Variants in LTBP1 observed in about 807,000 individuals in gnomAD.
LTBP1 encodes the protein latent transforming growth factor beta binding protein 1, also known as latent-transforming growth factor beta-binding protein 1.
LTBP1 carries 129 observed loss-of-function variants against 207.6 expected under a neutral mutation model. The observed-to-expected ratio is 0.62, with a 90% CI of 0.54 to 0.72. The LOEUF (loss-of-function observed/expected upper bound fraction) is 0.72, where lower values mean the gene tolerates loss of function less well. Ranked by LOEUF, LTBP1 falls within the 30% of genes least tolerant of loss-of-function variation. The pLI, the probability that LTBP1 is intolerant of heterozygous loss-of-function variation, is 0.00. For missense variants in LTBP1, 2,281 were observed against 2,217.2 expected (o/e 1.03, Z -0.58); for synonymous variants, 963 against 833.7 (o/e 1.16, Z -2.67).
intron 19 of LTBP1, among the ~76,000 whole-genome samples, chr2:33,289,694 T>C (rs922561002): frequency 2.0e-5 from 3 of 152,334 alleles, no homozygotes; most frequent in Middle Eastern, 3.4e-3. Context: ...CAACACTGTT[T>C]TTTATTATAT....
At chr2:32,999,497 A>G (rs1369942461) in intron 2 of LTBP1, among the ~76,000 whole-genome samples, 1 of 92,552 alleles carries the variant, frequency 1.1e-5, no homozygotes, top group African/African-American at 3.4e-5. Context: ...AGGACTCCCA[A>G]CACTGCTTTC....
rs1357942590 is a variant in LTBP1, at chr2:33,021,097, A to G, written c.754A>G (p.Thr252Ala). 9 of 1,614,100 alleles carry G rather than the reference A, an allele frequency of 5.6e-6. No individual in the cohort carries two copies. The Admixed American group carries it at 1.5e-4, about 27-fold the overall frequency. ...CCCTCCTGAGCAAGCAGCAAAGCATACTTCATCTAAGAAGGCAGACACTCT... is the reference window on the plus strand; with the variant it reads ...CCCTCCTGAGCAAGCAGCAAAGCATGCTTCATCTAAGAAGGCAGACACTCT... ...WGPPEQAAKH[T>A]SSKKADTLPR... Residue 252 changes from threonine to alanine, a missense_variant, in exon 3 of 34, where the codon ACT (threonine) becomes GCT (alanine). Thr to Ala is a moderately conservative substitution (Grantham distance 58). Transcript: ENST00000404816.
chr2:33,145,980 C>T (rs1435576863), intron 5 of LTBP1, among the ~76,000 whole-genome samples: 1 of 152,084 alleles, frequency 6.6e-6, no homozygotes, highest in Non-Finnish European at 1.5e-5. Context: ...ATATTTTGGA[C>T]CATTTTGTGC....
At chr2:33,106,726 C>T (rs2150208906) in intron 3 of LTBP1, among the ~76,000 whole-genome samples, 1 of 152,014 alleles carries the variant, frequency 6.6e-6, no homozygotes, top group Middle Eastern at 3.4e-3. Context: ...AGAGCACAGG[C>T]AGAGTAGATT....
At chr2:33,287,124 T>A (rs1040982454) in intron 19 of LTBP1, among the ~76,000 whole-genome samples, 2 of 151,598 alleles carry the variant, frequency 1.3e-5, no homozygotes, top group Non-Finnish European at 3.0e-5. Flanking sequence ...CAACAACAAC[T>A]TTTGAAAGCA....
intron 31 of LTBP1, among the ~76,000 whole-genome samples, 167 bp downstream of exon 31, chr2:33,365,670 A>G (rs1461671133): frequency 1.3e-5 from 2 of 151,258 alleles, no homozygotes; most frequent in African/African-American, 2.4e-5. Flanking sequence ...CTGCATAAAC[A>G]TTTGGCTCCT....
chr2:33,216,364 A>G (rs149146686), intron 7 of LTBP1, among the ~76,000 whole-genome samples: 4 of 152,288 alleles, frequency 2.6e-5, no homozygotes, highest in African/African-American at 9.6e-5. Context: ...TTCCAGCCAG[A>G]CATGCTCCTT....
chr2:33,005,437 C>A (rs1431489162), intron 2 of LTBP1, among the ~76,000 whole-genome samples: 1 of 152,074 alleles, frequency 6.6e-6, no homozygotes, highest in Non-Finnish European at 1.5e-5. Context: ...TGGGCTTCTC[C>A]ATTACATGAT....
intron 31 of LTBP1, among the ~76,000 whole-genome samples, chr2:33,365,752 T>C (rs1328543382): frequency 6.6e-6 from 1 of 151,546 alleles, no homozygotes; most frequent in Non-Finnish European, 1.5e-5. Context: ...GAATGATAAA[T>C]GACCCAAAAA....
At chr2:33,011,066 C>G (rs1035867253) in intron 2 of LTBP1, among the ~76,000 whole-genome samples, 2 of 152,056 alleles carry the variant, frequency 1.3e-5, no homozygotes, top group African/African-American at 4.8e-5. Context: ...TAACTTTTAC[C>G]ACTATATTGG....
chr2:32,952,026 A>G (rs1677191824), intron 2 of LTBP1, among the ~76,000 whole-genome samples: 1 of 152,234 alleles, frequency 6.6e-6, no homozygotes, highest in Non-Finnish European at 1.5e-5. Context: ...TGTTGAAGAT[A>G]ATGAAGAATT....
intron 9 of LTBP1, among the ~76,000 whole-genome samples, chr2:33,229,144 T>G (rs2091640853): frequency 6.6e-6 from 1 of 152,116 alleles, no homozygotes; most frequent in African/African-American, 2.4e-5. Context: ...GTCAAAGCAA[T>G]TAATATTAAT....
Position 33,277,759 on chromosome 2 carries a change from C to CCCTTTCTT in LTBP1, c.2992+1837_2992+1844dup, listed in dbSNP as rs1553479715. Among the ~76,000 whole-genome samples, 18 of 72,504 alleles carry CCCTTTCTT rather than the reference C, an allele frequency of 2.5e-4. 1 individual carries two copies. Among genetic ancestry groups the CCCTTTCTT allele is most frequent in the African/African-American group, 7.8e-4 (16 of 20,610 alleles). The allele number at this position is 72,504 out of a possible 152,430, so 47.6% of individuals were successfully genotyped here. Reference sequence around the variant, plus strand: ...AGAAGTCAAATACTGATTTTTTTTTCCCTTTCTTTCTTTCTTTCTTTCTTT... The same window carrying CCCTTTCTT: ...AGAAGTCAAATACTGATTTTTTTTTCCCTTTCTTCCTTTCTTTCTTTCTTTCTTTCTTT... On this transcript the variant is annotated intron_variant, in intron 18 of 33. Coordinates refer to ENST00000404816, the MANE Select transcript of LTBP1 (RefSeq NM_206943.4).
At chr2:32,959,540 T>C (rs969481701) in intron 2 of LTBP1, among the ~76,000 whole-genome samples, 3 of 123,944 alleles carry the variant, frequency 2.4e-5, no homozygotes, top group African/African-American at 8.2e-5. Flanking sequence ...TTATTATTGC[T>C]GTATATATAT....
At chr2:32,953,170 G>A (rs1322343263) in intron 2 of LTBP1, among the ~76,000 whole-genome samples, 3 of 152,176 alleles carry the variant, frequency 2.0e-5, no homozygotes, top group Non-Finnish European at 4.4e-5. Context: ...TAAATTATAT[G>A]CAAAGGAGAC....
intron 20 of LTBP1, among the ~76,000 whole-genome samples, chr2:33,299,841 T>C (rs910823643): frequency 2.0e-5 from 3 of 152,186 alleles, no homozygotes; most frequent in African/African-American, 7.2e-5. Flanking sequence ...GTTAGTGATT[T>C]TATCTTGTCA....
chr2:33,251,088 C>T (rs1466114738), intron 10 of LTBP1, among the ~76,000 whole-genome samples: 1 of 152,176 alleles, frequency 6.6e-6, no homozygotes. Context: ...GTGTACGCTG[C>T]CCTCGGGCCC....
At chr2:33,151,185 T>C (rs187933600) in intron 5 of LTBP1, among the ~76,000 whole-genome samples, 62 of 152,350 alleles carry the variant, frequency 4.1e-4, no homozygotes, top group African/African-American at 1.3e-3. Flanking sequence ...ACCTTTTTGC[T>C]ATTGAAAATA....
chr2:33,346,318 T>G (rs558160249), intron 25 of LTBP1, among the ~76,000 whole-genome samples: 2 of 152,314 alleles, frequency 1.3e-5, no homozygotes, highest in South Asian at 4.1e-4. Context: ...TTAAGTATAT[T>G]TTAAAAGTTT....
Sources: gnomAD v4.1 joint callset for allele counts (sites outside exome capture counted in the v4.1 genomes callset) on GRCh38, gnomAD v4.1.1 for gene constraint, MANE v1.5 for transcripts, NCBI Gene and HGNC (gene_info 2026-07-23, HGNC 2026-07-21) for gene names.